Variants in NPEPPS observed in about 807,000 individuals in gnomAD.
The protein encoded by NPEPPS is puromycin-sensitive aminopeptidase.
In NPEPPS, 14 loss-of-function variants were observed where a neutral mutation model predicts 115.5. The ratio of observed to expected loss-of-function variants is 0.12; its 90% CI spans 0.08 to 0.19. NPEPPS has a LOEUF of 0.19. Ranked by LOEUF, NPEPPS falls within the 10% of genes least tolerant of loss-of-function variation. NPEPPS has a pLI of 1.00. For synonymous variants in NPEPPS, 285 were observed against 390.6 expected, an observed-to-expected ratio of 0.73 and a Z score of 3.19; for missense variants, 523 against 1,110.8, an observed-to-expected ratio of 0.47 and a Z score of 7.52.
intron 2 of NPEPPS, among the ~76,000 whole-genome samples, chr17:47,564,408 AT>A (rs1910657868): frequency 6.6e-6 from 1 of 151,908 alleles, no homozygotes; most frequent in Non-Finnish European, 1.5e-5. Flanking sequence ...TATGATTTTA[AT>A]TTTATAGGTG....
At chr17:47,553,074 G>C (rs1909759898) in intron 2 of NPEPPS, among the ~76,000 whole-genome samples, 1 of 151,942 alleles carries the variant, frequency 6.6e-6, no homozygotes, top group Non-Finnish European at 1.5e-5. Flanking sequence ...GGAATCTTAA[G>C]ATCCTTGAGG....
chr17:47,615,076 T>TA (rs1452347687), intron 19 of NPEPPS, among the ~76,000 whole-genome samples: 152 of 43,640 alleles, frequency 3.5e-3, no homozygotes, highest in African/African-American at 8.1e-3. Flanking sequence ...TTTCTTTCTT[T>TA]TTTTTTTTTT....
At chr17:47,602,876 G>C (rs1295636422) in intron 15 of NPEPPS, among the ~76,000 whole-genome samples, 1 of 151,718 alleles carries the variant, frequency 6.6e-6, no homozygotes, top group Non-Finnish European at 1.5e-5. Flanking sequence ...TTATAATCTG[G>C]AAGATTATGT....
intron 17 of NPEPPS, among the ~76,000 whole-genome samples, chr17:47,607,255 T>A (rs1913573404): frequency 6.6e-6 from 1 of 151,900 alleles, no homozygotes; most frequent in Non-Finnish European, 1.5e-5. Flanking sequence ...TTATAGAGAG[T>A]GTTTGGGGAA....
chr17:47,544,499 AACGT>A (rs1909040000), intron 1 of NPEPPS, among the ~76,000 whole-genome samples: 1 of 141,576 alleles, frequency 7.1e-6, no homozygotes, highest in Non-Finnish European at 1.5e-5. Context: ...TATGAAATTA[AACGT>A]ATTTATTTAT....
At chr17:47,621,180 CAAAAAA>C (rs5820662) in intron 22 of NPEPPS, among the ~76,000 whole-genome samples, 2 of 84,752 alleles carry the variant, frequency 2.4e-5, no homozygotes, top group Admixed American at 1.3e-4. Flanking sequence ...GACCCTGTCT[CAAAAAA>C]AAAAAAAAAA....
intron 2 of NPEPPS, among the ~76,000 whole-genome samples, chr17:47,565,752 C>T (rs530133288): frequency 6.6e-6 from 1 of 150,660 alleles, no homozygotes; most frequent in Non-Finnish European, 1.5e-5. Context: ...CCTGAGAGGT[C>T]AAGGTTGCAG....
chr17:47,617,504 T>TAC (rs751610501), intron 19 of NPEPPS, among the ~76,000 whole-genome samples: 11 of 122,356 alleles, frequency 9.0e-5, no homozygotes, highest in Non-Finnish European at 1.9e-4. Context: ...GCCATATATA[T>TAC]ATATATATTT....
At chr17:47,558,640 G>A (rs1448982340) in intron 2 of NPEPPS, among the ~76,000 whole-genome samples, 1 of 152,212 alleles carries the variant, frequency 6.6e-6, no homozygotes, top group Non-Finnish European at 1.5e-5. Flanking sequence ...TGTTGGCCAG[G>A]CTGGTCTTGA....
At chr17:47,594,922 G>A (rs564154993) in intron 12 of NPEPPS, among the ~76,000 whole-genome samples, 43 of 145,620 alleles carry the variant, frequency 3.0e-4, no homozygotes, top group Non-Finnish European at 5.1e-4. Context: ...GTGAGCCACC[G>A]CGCCTGGCCT....
At chr17:47,583,295 A>T (rs1034759603) in intron 5 of NPEPPS, among the ~76,000 whole-genome samples, 4 of 151,844 alleles carry the variant, frequency 2.6e-5, no homozygotes, top group African/African-American at 9.7e-5. Flanking sequence ...TAAAAGCAAA[A>T]GGTCTTGGGC....
rs559194757 is a variant in NPEPPS, at chr17:47,612,860, G to A, written c.2238+258G>A. On this transcript the variant is annotated intron_variant, in intron 18 of 22. Coordinates refer to ENST00000322157, the MANE Select transcript of NPEPPS (RefSeq NM_006310.4). ...GTATTTTCAGTAGAGACGAGGTTTC[G>A]CCATGTTGGCCAGGCTCGTCTCGAA... is the stretch of plus-strand genomic sequence containing the variant. Among the ~76,000 whole-genome samples, 379 of 152,006 alleles carry A rather than the reference G, an allele frequency of 2.5e-3. 3 individuals are homozygous for A. Among genetic ancestry groups the A allele is most frequent in the African/African-American group, 8.8e-3 (365 of 41,468 alleles).
At chr17:47,528,707 C>A (rs571904159), upstream of NPEPPS, among the ~76,000 whole-genome samples, 582 of 152,244 alleles carry the variant, frequency 3.8e-3, no homozygotes, top group Middle Eastern at 6.8e-3. Flanking sequence ...TCTCAGCTCA[C>A]TGCAACCTCC....
chr17:47,536,144 C>G (rs1782718325), intron 1 of NPEPPS, among the ~76,000 whole-genome samples: 1 of 151,712 alleles, frequency 6.6e-6, no homozygotes, highest in South Asian at 2.1e-4. Flanking sequence ...TGGGCTTTCT[C>G]TTATGGAAAT....
intron 2 of NPEPPS, chr17:47,559,727 G>T (rs1411488057): frequency 6.7e-6 from 3 of 448,812 alleles, no homozygotes; most frequent in Non-Finnish European, 1.3e-5. Flanking sequence ...CAAAGGAGGG[G>T]GTCATTTACT....
chr17:47,575,976 A>G (rs1038722446), intron 3 of NPEPPS, among the ~76,000 whole-genome samples: 7 of 152,132 alleles, frequency 4.6e-5, no homozygotes, highest in Non-Finnish European at 7.3e-5. Context: ...GTTTGCTTTA[A>G]GAATGAAGTT....
At chr17:47,569,640 C>T (rs901653001) in intron 3 of NPEPPS, 146 bp downstream of exon 3, 9 of 580,374 alleles carry the variant, frequency 1.6e-5, no homozygotes, top group African/African-American at 5.9e-5. Flanking sequence ...TCCTTTGAGA[C>T]GGAGTCTTAC....
At chr17:47,555,528 G>A (rs1909944108) in intron 2 of NPEPPS, among the ~76,000 whole-genome samples, 1 of 151,338 alleles carries the variant, frequency 6.6e-6, no homozygotes, top group African/African-American at 2.4e-5. Flanking sequence ...TGTATTTTTA[G>A]TAGAGATGGA....
chr17:47,569,566 T>G, intron 3 of NPEPPS, 72 bp downstream of exon 3: 1 of 825,144 alleles, frequency 1.2e-6, no homozygotes, highest in South Asian at 1.6e-5. Flanking sequence ...AGAAATTTAT[T>G]GTATGCCATT....
Sources: gnomAD v4.1 joint callset for allele counts (sites outside exome capture counted in the v4.1 genomes callset) on GRCh38, gnomAD v4.1.1 for gene constraint, MANE v1.5 for transcripts, NCBI Gene and HGNC (gene_info 2026-07-23, HGNC 2026-07-21) for gene names.